Variants in CDH18 observed in about 807,000 individuals in gnomAD.
The protein encoded by CDH18 is cadherin 18, also known as cadherin-18.
A neutral mutation model predicts 67.9 loss-of-function variants in CDH18; 31 were observed. That is an observed-to-expected ratio of 0.46 (90% confidence interval 0.34 to 0.62). CDH18 has a LOEUF of 0.62. CDH18 is among the 20% of genes least tolerant of loss of function. The probability of loss-of-function intolerance (pLI) is 0.01; values close to 1 mark genes in which losing one functional copy is unlikely to be tolerated. For synonymous variants in CDH18, 362 were observed against 347.2 expected, an observed-to-expected ratio of 1.04 and a Z score of -0.48; for missense variants, 890 against 975.5, an observed-to-expected ratio of 0.91 and a Z score of 1.17.
rs140449585 is a variant in CDH18 at position 20,497,894 on chromosome 5, G to A, written c.-580+77568C>T. On this transcript the variant is annotated intron_variant, in intron 1 of 14. Coordinates refer to the CDH18 transcript ENST00000507958. ...GATGCTATTCGGAGGTGAGGACTTC[G>A]TGAGGTAATTAGATCATGAGGATGG... 1.4e-3 allele frequency among the ~76,000 whole-genome samples: 206 copies of A among 152,168 alleles called. 1 individual carries two copies. Among genetic ancestry groups the A allele is most frequent in the South Asian group, 7.3e-3 (35 of 4,818 alleles).
In CDH18 at chr5:19,546,433, T is replaced by A. The variant is rs1736324179; in HGVS notation, c.1254-2428A>T. Reference sequence around the variant, plus strand: ...TTTGAAAAAGGGGACTATCAAAAATTGTAAAACTCATGAGAAGGTGAAAAT... The same window carrying A: ...TTTGAAAAAGGGGACTATCAAAAATAGTAAAACTCATGAGAAGGTGAAAAT... On this transcript the variant is annotated intron_variant, in intron 8 of 12. Transcript: ENST00000382275. 2.0e-5 allele frequency among the ~76,000 whole-genome samples: 3 copies of A among 152,146 alleles called. No homozygotes were observed. The South Asian group carries it at 6.2e-4, about 32-fold the overall frequency.
At chr5:19,665,710 C>G (rs1757814930) in intron 5 of CDH18, among the ~76,000 whole-genome samples, 1 of 151,950 alleles carries the variant, frequency 6.6e-6, no homozygotes, top group Non-Finnish European at 1.5e-5. Context: ...AAAATCATTT[C>G]TCATGGAAAT....
At chr5:19,547,992 A>G (rs1736633995) in intron 8 of CDH18, among the ~76,000 whole-genome samples, 1 of 152,204 alleles carries the variant, frequency 6.6e-6, no homozygotes, top group African/African-American at 2.4e-5. Context: ...GAATCATTCA[A>G]TGCTAATTAT....
At chr5:20,345,554 C>A (rs1740630412) in intron 1 of CDH18, among the ~76,000 whole-genome samples, 1 of 151,946 alleles carries the variant, frequency 6.6e-6, no homozygotes, top group Non-Finnish European at 1.5e-5. Context: ...ACTTTCTTAG[C>A]TAAGTAATTG....
chr5:20,247,635 T>A (rs1438541968), intron 2 of CDH18, among the ~76,000 whole-genome samples: 1 of 151,522 alleles, frequency 6.6e-6, no homozygotes, highest in Non-Finnish European at 1.5e-5. Flanking sequence ...ATGGTGGCGA[T>A]CACCTGTAAT....
In CDH18 at chr5:20,099,043, T is replaced by G. The variant is rs184737922; in HGVS notation, c.-517-107029A>C. 2.3e-4 allele frequency among the ~76,000 whole-genome samples: 35 copies of G among 152,320 alleles called. 1 individual carries two copies. The highest frequency in any genetic ancestry group is 1.8e-3 in the Admixed American group (27 of 15,298). ...AGAATATATATTTTGTAGATAAAAC[T>G]AAATTTCATCAAATATTTAGAGTGA... On this transcript the variant is annotated intron_variant, in intron 2 of 14. Transcript: ENST00000507958.
intron 2 of CDH18, among the ~76,000 whole-genome samples, chr5:20,148,079 CTTTTG>C (rs1561830097): frequency 3.3e-5 from 5 of 150,184 alleles, no homozygotes; most frequent in African/African-American, 1.2e-4. Context: ...ACAATAGTGT[CTTTTG>C]TTTTGTTTTT....
At chr5:19,854,376 A>G (rs1165178558) in intron 2 of CDH18, among the ~76,000 whole-genome samples, 3 of 152,186 alleles carry the variant, frequency 2.0e-5, no homozygotes, top group Non-Finnish European at 2.9e-5. Flanking sequence ...TTCAAACTTT[A>G]TATTTGATGA....
intron 3 of CDH18, among the ~76,000 whole-genome samples, chr5:19,802,898 G>A (rs1224163226): frequency 6.6e-6 from 1 of 152,222 alleles, no homozygotes; most frequent in Non-Finnish European, 1.5e-5. Flanking sequence ...AGTGTCATGG[G>A]CAATGGTCTG....
chr5:19,918,051 T>C (rs1008143183), intron 2 of CDH18, among the ~76,000 whole-genome samples: 4 of 152,122 alleles, frequency 2.6e-5, no homozygotes, highest in Non-Finnish European at 5.9e-5. Context: ...AACTGGGCAA[T>C]ATTATAATTC....
chr5:19,611,949 CGTGTGTGTGTGT>C (rs3062879), intron 6 of CDH18, among the ~76,000 whole-genome samples: 30 of 139,112 alleles, frequency 2.2e-4, no homozygotes, highest in African/African-American at 6.1e-4. Flanking sequence ...TTGGATGATG[CGTGTGTGTGTGT>C]GTGTGTGTGT....
At chr5:19,541,417 C>T (rs1750257327) in intron 9 of CDH18, among the ~76,000 whole-genome samples, 1 of 152,098 alleles carries the variant, frequency 6.6e-6, no homozygotes. Flanking sequence ...ATTCCAAAGT[C>T]ACTTCCACAT....
intron 4 of CDH18, among the ~76,000 whole-genome samples, chr5:19,724,849 A>G (rs1048807429): frequency 6.6e-6 from 1 of 151,904 alleles, no homozygotes; most frequent in African/African-American, 2.4e-5. Flanking sequence ...TCCCACCACA[A>G]ACTGTCCTGA....
At chr5:20,217,604 A>G (rs1176111608) in intron 2 of CDH18, among the ~76,000 whole-genome samples, 1 of 151,880 alleles carries the variant, frequency 6.6e-6, no homozygotes, top group African/African-American at 2.4e-5. Flanking sequence ...AGGAAGGAGA[A>G]AAGAAAGAGG....
chr5:20,038,499 G>C (rs767419777), intron 2 of CDH18, among the ~76,000 whole-genome samples: 1 of 152,098 alleles, frequency 6.6e-6, no homozygotes, highest in South Asian at 2.1e-4. Context: ...TACTGACCAC[G>C]ATCAAGTCGA....
intron 1 of CDH18, among the ~76,000 whole-genome samples, chr5:20,485,703 GA>G (rs200347506): frequency 3.1e-4 from 46 of 150,488 alleles, no homozygotes; most frequent in African/African-American, 1.1e-3. Flanking sequence ...GCTCATGGGT[GA>G]AAAAAAGTGT....
intron 5 of CDH18, among the ~76,000 whole-genome samples, chr5:19,636,579 T>C (rs561110826): frequency 8.9e-4 from 136 of 152,078 alleles, no homozygotes; most frequent in African/African-American, 3.1e-3. Flanking sequence ...TATATACTGC[T>C]ACCTCTAATC....
intron 2 of CDH18, among the ~76,000 whole-genome samples, chr5:20,201,847 G>T (rs1384381129): frequency 6.6e-6 from 1 of 152,122 alleles, no homozygotes; most frequent in Non-Finnish European, 1.5e-5. Context: ...GGAGTGTTTG[G>T]GGGACAATTA....
intron 2 of CDH18, among the ~76,000 whole-genome samples, chr5:20,176,040 G>T (rs1737204993): frequency 6.6e-6 from 1 of 152,158 alleles, no homozygotes; most frequent in Admixed American, 6.6e-5. Context: ...AAGAGGAAAA[G>T]CCTTCATCTT....
Sources: gnomAD v4.1 joint callset for allele counts (sites outside exome capture counted in the v4.1 genomes callset) on GRCh38, gnomAD v4.1.1 for gene constraint, MANE v1.5 for transcripts, NCBI Gene and HGNC (gene_info 2026-07-23, HGNC 2026-07-21) for gene names.